The following MYOM2 variants were observed in gnomAD, a reference collection of about 807,000 sequenced individuals.
MYOM2 encodes myomesin-2.
MYOM2 carries 254 observed loss-of-function variants against 187.6 expected under a neutral mutation model. The observed-to-expected ratio is 1.35, with a 90% CI of 1.22 to 1.50. MYOM2 has a LOEUF of 1.50. Among genes scored for constraint, MYOM2 ranks in the 40% most tolerant of loss-of-function variants. The probability of loss-of-function intolerance (pLI) is 0.00; values close to 1 mark genes in which losing one functional copy is unlikely to be tolerated. For missense variants in MYOM2, 2,796 were observed against 1,924.0 expected (o/e 1.45, Z -8.48); for synonymous variants, 981 against 753.8 (o/e 1.30, Z -4.94).
intron 13 of MYOM2, 191 bp from the exon 14 acceptor site, chr8:2,085,072 T>G (rs1819762590): frequency 1.6e-6 from 1 of 630,810 alleles, no homozygotes; most frequent in African/African-American, 1.8e-5. Flanking sequence ...GAAGCAAAAC[T>G]AACTGGCTGA....
intron 32 of MYOM2, among the ~76,000 whole-genome samples, chr8:2,137,928 T>C (rs1308036996): frequency 6.6e-6 from 1 of 152,214 alleles, no homozygotes; most frequent in East Asian, 1.9e-4. Context: ...GGCTTCTTGC[T>C]GCTCCTCACA....
chr8:2,058,327 T>A (rs1314054608), intron 5 of MYOM2, among the ~76,000 whole-genome samples: 3 of 152,106 alleles, frequency 2.0e-5, no homozygotes, highest in Non-Finnish European at 4.4e-5. Flanking sequence ...CAGAGTGTAT[T>A]GTTTAAAAGT....
At chr8:2,052,559 C>T (rs1447540285) in intron 3 of MYOM2, among the ~76,000 whole-genome samples, 2 of 152,188 alleles carry the variant, frequency 1.3e-5, no homozygotes, top group Non-Finnish European at 2.9e-5. Flanking sequence ...CAGAAGAGAG[C>T]GTTGCTGTTC....
chr8:2,072,513 A>C lies in MYOM2; in HGVS notation c.958+4A>C, dbSNP rs981168885. On this transcript the variant is annotated splice_donor_region_variant and intron_variant, in intron 9 of 36. Coordinates refer to ENST00000262113, the MANE Select transcript of MYOM2 (RefSeq NM_003970.4). The stretch of plus-strand genomic sequence containing the variant: ...CGCGCCGAGTGGTACCGCGATGGTG[A>C]GTAGGACACGGCCCAGACCCGGGCA... 1.9e-6 allele frequency: 3 copies of C among 1,611,944 alleles called. No individual in the cohort carries two copies. Among genetic ancestry groups the C allele is most frequent in the Non-Finnish European group, 2.5e-6 (3 of 1,179,740 alleles).
chr8:2,065,114 A>AAAG (rs1411094779), intron 6 of MYOM2, among the ~76,000 whole-genome samples: 5 of 152,056 alleles, frequency 3.3e-5, no homozygotes, highest in African/African-American at 4.8e-5. Context: ...TTTAATCATC[A>AAAG]AAGTCACCCT....
At chr8:2,083,245 C>T (rs1819690624) in intron 13 of MYOM2, among the ~76,000 whole-genome samples, 1 of 151,896 alleles carries the variant, frequency 6.6e-6, no homozygotes, top group Non-Finnish European at 1.5e-5. Flanking sequence ...TGGGTGAGGG[C>T]AGCATCAGTG....
Position 2,102,680 on chromosome 8 carries a change from A to G in MYOM2, c.2633A>G (p.Gln878Arg), listed in dbSNP as rs1796747525. Residue 878 changes from glutamine (Q) to arginine (R), a missense_variant, in exon 21 of 37, where the codon CAG (glutamine) becomes CGG (arginine). Transcript: ENST00000262113. ...TGTTGTTTCAAGGTCTCTGACCTGCAGCAAGGTAAGACCTATGTCTTCAGG... is the reference window on the plus strand; with the variant it reads ...TGTTGTTTCAAGGTCTCTGACCTGCGGCAAGGTAAGACCTATGTCTTCAGG... ...ASRYLKVSDL[Q>R]QGKTYVFRVR... 1 of 1,611,078 alleles carries G rather than the reference A, an allele frequency of 6.2e-7. No homozygotes were observed. Among genetic ancestry groups the G allele is most frequent in the Non-Finnish European group, 8.5e-7 (1 of 1,177,414 alleles).
chr8:2,131,136 C>T (rs941696754), intron 32 of MYOM2, among the ~76,000 whole-genome samples: 3 of 152,198 alleles, frequency 2.0e-5, no homozygotes, highest in Non-Finnish European at 4.4e-5. Context: ...CAGGATTAAA[C>T]ACACGCCCTG....
intron 6 of MYOM2, among the ~76,000 whole-genome samples, chr8:2,068,855 T>C (rs80207669): frequency 0.011 from 1,730 of 152,326 alleles, 23 homozygotes; most frequent in African/African-American, 0.038. Context: ...TCCACGGCTC[T>C]CCCAGGCAGG....
intron 6 of MYOM2, among the ~76,000 whole-genome samples, chr8:2,068,899 G>T (rs928429800): frequency 1.3e-5 from 2 of 152,212 alleles, no homozygotes; most frequent in African/African-American, 4.8e-5. Context: ...GGTTCTGCTG[G>T]AGCTTGAGGT....
chr8:2,144,935 C>T lies in MYOM2; in HGVS notation c.4352C>T (p.Ala1451Val), dbSNP rs1290204671. 6.2e-7 allele frequency: 1 copy of T among 1,614,058 alleles called. No individual in the cohort carries two copies. The highest frequency in any genetic ancestry group is 1.3e-5 in the African/African-American group (1 of 74,926). Reference protein sequence around the residue: ...KIPDMAPPQQAKPKLIPASAS... With the variant: ...KIPDMAPPQQVKPKLIPASAS... ...CCGGACATGGCCCCGCCCCAGCAAG[C>T]CAAGCCCAAGCTCATCCCCGCGTCT... is the stretch of plus-strand genomic sequence containing the variant. Residue 1451 changes from alanine (A) to valine (V), a missense_variant, in exon 37 of 37, where the codon GCC becomes GTC. Transcript: ENST00000262113.
At chr8:2,052,741 A>G (rs777047545) in intron 3 of MYOM2, among the ~76,000 whole-genome samples, 1 of 152,168 alleles carries the variant, frequency 6.6e-6, no homozygotes, top group Non-Finnish European at 1.5e-5. Flanking sequence ...CTGAATTTCC[A>G]CTTGCAACCT....
At chr8:2,078,696 T>A in intron 11 of MYOM2, 38 bp from the exon 12 acceptor site, 1 of 1,601,754 alleles carries the variant, frequency 6.2e-7, no homozygotes, top group South Asian at 1.1e-5. Flanking sequence ...GTTGCCACAT[T>A]TGCTATTCTC....
intron 6 of MYOM2, among the ~76,000 whole-genome samples, chr8:2,061,950 C>T (rs1818863959): frequency 6.6e-6 from 1 of 152,190 alleles, no homozygotes; most frequent in African/African-American, 2.4e-5. Context: ...GAGTGAAGGA[C>T]ACAGCCAGCC....
At chr8:2,069,180 C>G (rs1253041037) in intron 6 of MYOM2, 98 bp from the exon 7 acceptor site, 2 of 1,148,328 alleles carry the variant, frequency 1.7e-6, no homozygotes, top group Non-Finnish European at 1.2e-6. Context: ...ATAAACCACG[C>G]CATGTGATTT....
intron 20 of MYOM2, chr8:2,102,368 T>A: frequency 3.5e-6 from 1 of 288,984 alleles, no homozygotes. Context: ...TTATGTTAAA[T>A]ATAAACACCA....
intron 34 of MYOM2, among the ~76,000 whole-genome samples, chr8:2,141,430 T>A (rs752592485): frequency 2.0e-5 from 3 of 151,978 alleles, no homozygotes; most frequent in Non-Finnish European, 4.4e-5. Flanking sequence ...ATTGTGAGAG[T>A]TGAAGAAAGA....
At chr8:2,117,990 C>T (rs374212381) in intron 28 of MYOM2, 38 bp downstream of exon 28, 8 of 1,581,976 alleles carry the variant, frequency 5.1e-6, no homozygotes, top group Non-Finnish European at 6.9e-6. Context: ...CAATAAATCT[C>T]ATTCTGGTTC....
chr8:2,100,690 G>A (rs3779840), intron 19 of MYOM2, among the ~76,000 whole-genome samples, 186 bp from the exon 20 acceptor site: 30,965 of 151,392 alleles, frequency 0.2, 3,904 homozygotes, highest in Admixed American at 0.33. Flanking sequence ...GACCCCCAAC[G>A]TCATGCTGAG....
Sources: gnomAD v4.1 joint callset for allele counts (sites outside exome capture counted in the v4.1 genomes callset) on GRCh38, gnomAD v4.1.1 for gene constraint, MANE v1.5 for transcripts, NCBI Gene and HGNC (gene_info 2026-07-23, HGNC 2026-07-21) for gene names.